PRELID2: variants seen among roughly 807,000 people sequenced by gnomAD.
PRELID2 encodes PRELI domain containing 2.
A neutral mutation model predicts 28.4 loss-of-function variants in PRELID2; 25 were observed. The ratio of observed to expected loss-of-function variants is 0.88; its 90% CI spans 0.64 to 1.23. The LOEUF (loss-of-function observed/expected upper bound fraction) is 1.23, where lower values mean the gene tolerates loss of function less well. PRELID2 is among the 50% of genes most tolerant of loss of function. The probability of loss-of-function intolerance (pLI) is 0.00; values close to 1 mark genes in which losing one functional copy is unlikely to be tolerated. For synonymous variants in PRELID2, 76 were observed against 71.6 expected, an observed-to-expected ratio of 1.06 and a Z score of -0.31; for missense variants, 201 against 214.4, an observed-to-expected ratio of 0.94 and a Z score of 0.39.
chr5:145,353,727 C>G, the PRELID2 span, among the ~76,000 whole-genome samples: 1 of 152,086 alleles, frequency 6.6e-6, no homozygotes, highest in Non-Finnish European at 1.5e-5. Context: ...GTAACTGCCT[C>G]CATGATTCAA....
At chr5:145,625,818 T>C (rs2149654936) in intron 1 of PRELID2, among the ~76,000 whole-genome samples, 1 of 152,298 alleles carries the variant, frequency 6.6e-6, no homozygotes, top group Admixed American at 6.5e-5. Context: ...AAAAGGACTA[T>C]AAATGTACTA....
chr5:145,524,519 C>G (rs1025507507), intron 1 of PRELID2, among the ~76,000 whole-genome samples: 5 of 152,180 alleles, frequency 3.3e-5, no homozygotes, highest in African/African-American at 1.2e-4. Flanking sequence ...CTCAGAGAAG[C>G]CTTGGATCCA....
chr5:145,493,281 A>C (rs914665838), intron 1 of PRELID2, among the ~76,000 whole-genome samples: 2 of 152,072 alleles, frequency 1.3e-5, no homozygotes, highest in South Asian at 2.1e-4. Context: ...TGTCCAGATG[A>C]TCATCAGATC....
At chr5:145,408,407 A>ATG in the PRELID2 span, among the ~76,000 whole-genome samples, 2 of 120,500 alleles carry the variant, frequency 1.7e-5, no homozygotes, top group Non-Finnish European at 4.0e-5. Flanking sequence ...ATATATATAT[A>ATG]TATATATATA....
intron 1 of PRELID2, among the ~76,000 whole-genome samples, chr5:145,740,807 A>T (rs1366865604): frequency 2.7e-5 from 3 of 113,188 alleles, no homozygotes; most frequent in Admixed American, 1.1e-4. Flanking sequence ...ATATATGTAT[A>T]TACATTATAC....
chr5:145,780,380 C>T (rs1368005611), intron 5 of PRELID2, among the ~76,000 whole-genome samples: 1 of 152,202 alleles, frequency 6.6e-6, no homozygotes, highest in Non-Finnish European at 1.5e-5. Context: ...ATTTACTCCT[C>T]ACAATACTCT....
At chr5:145,729,793 C>T (rs748062692) in intron 1 of PRELID2, among the ~76,000 whole-genome samples, 10 of 152,070 alleles carry the variant, frequency 6.6e-5, no homozygotes, top group East Asian at 1.9e-4. Context: ...CAATGAAGTC[C>T]GGTGGAGTCA....
At chr5:145,791,997 G>C (rs370454601) in intron 5 of PRELID2, among the ~76,000 whole-genome samples, 1 of 152,240 alleles carries the variant, frequency 6.6e-6, no homozygotes, top group African/African-American at 2.4e-5. Context: ...CTCATAGGCC[G>C]TTTCAAGTAG....
the PRELID2 span, among the ~76,000 whole-genome samples, chr5:145,446,112 T>C: frequency 2.6e-5 from 4 of 151,976 alleles, no homozygotes; most frequent in Admixed American, 2.0e-4. Context: ...GAGTTTCAAA[T>C]AGCTAAAAGA....
chr5:145,709,064 C>T (rs2149708443), intron 1 of PRELID2, among the ~76,000 whole-genome samples: 1 of 152,310 alleles, frequency 6.6e-6, no homozygotes, highest in Admixed American at 6.5e-5. Context: ...TGGCTGACAG[C>T]CCTAGACCTG....
chr5:145,464,393 T>C, the PRELID2 span, among the ~76,000 whole-genome samples: 1 of 152,314 alleles, frequency 6.6e-6, no homozygotes, highest in African/African-American at 2.4e-5. Flanking sequence ...ATATTAGGAC[T>C]CTGATACCAC....
intron 1 of PRELID2, among the ~76,000 whole-genome samples, chr5:145,729,994 C>A (rs957762043): frequency 2.6e-5 from 4 of 152,034 alleles, no homozygotes; most frequent in African/African-American, 7.2e-5. Flanking sequence ...ATGGTTTAGC[C>A]TTTATATGGC....
the PRELID2 span, among the ~76,000 whole-genome samples, chr5:145,285,254 G>A: frequency 6.6e-6 from 1 of 152,124 alleles, no homozygotes; most frequent in Non-Finnish European, 1.5e-5. Flanking sequence ...TGACTACAAA[G>A]GGGAGCTAAA....
chr5:145,595,369 A>G (rs977187597), intron 1 of PRELID2, among the ~76,000 whole-genome samples: 7 of 152,174 alleles, frequency 4.6e-5, no homozygotes, highest in African/African-American at 1.7e-4. Context: ...GTTCAAAAAG[A>G]AGAGGTAAAG....
At chr5:145,311,211 T>G in the PRELID2 span, among the ~76,000 whole-genome samples, 1 of 152,164 alleles carries the variant, frequency 6.6e-6, no homozygotes, top group South Asian at 2.1e-4. Flanking sequence ...TCTAGCACCT[T>G]TCCATGCTAC....
At chr5:145,262,621 T>C in the PRELID2 span, among the ~76,000 whole-genome samples, 1 of 152,118 alleles carries the variant, frequency 6.6e-6, no homozygotes, top group Non-Finnish European at 1.5e-5. Flanking sequence ...GACAGCCTTT[T>C]CCAGACAGAC....
At chr5:145,375,071 C>A in the PRELID2 span, among the ~76,000 whole-genome samples, 1 of 152,008 alleles carries the variant, frequency 6.6e-6, no homozygotes, top group African/African-American at 2.4e-5. Context: ...TCTGGCCTTT[C>A]GGGTTTTCAG....
At chr5:145,406,325 G>T in the PRELID2 span, among the ~76,000 whole-genome samples, 9 of 152,096 alleles carry the variant, frequency 5.9e-5, no homozygotes, top group African/African-American at 2.2e-4. Flanking sequence ...TGGGAAATAA[G>T]GTTTTTATGT....
At chr5:145,446,652 A>G in the PRELID2 span, among the ~76,000 whole-genome samples, 5 of 152,006 alleles carry the variant, frequency 3.3e-5, no homozygotes, top group African/African-American at 1.2e-4. Flanking sequence ...AAAGGGAGAG[A>G]TTAACAAATT....
Sources: allele counts gnomAD v4.1 joint callset (sites outside exome capture counted in the v4.1 genomes callset), GRCh38; gene constraint gnomAD v4.1.1; transcripts MANE v1.5; gene names NCBI Gene and HGNC (gene_info 2026-07-23, HGNC 2026-07-21).